Variants in LMO7 observed in about 807,000 individuals in gnomAD.
LMO7 encodes the protein LIM domain only protein 7.
In LMO7, 120 loss-of-function variants were observed where a neutral mutation model predicts 206.5. The observed-to-expected ratio is 0.58, with a 90% confidence interval of 0.50 to 0.68. The LOEUF (loss-of-function observed/expected upper bound fraction) is 0.68, where lower values mean the gene tolerates loss of function less well. LMO7 is among the 30% of genes least tolerant of loss of function. The probability of loss-of-function intolerance (pLI) is 0.00; values close to 1 mark genes in which losing one functional copy is unlikely to be tolerated. For synonymous variants in LMO7, 706 were observed against 681.5 expected (o/e 1.04, Z -0.56); for missense variants, 1,959 against 1,957.9 (o/e 1.00, Z -0.01).
At chr13:75,750,878 G>C (rs570568578) in intron 3 of LMO7, among the ~76,000 whole-genome samples, 56 of 152,294 alleles carry the variant, frequency 3.7e-4, no homozygotes, top group African/African-American at 1.3e-3. Context: ...AGGGATGGCT[G>C]TGTGACTCCC....
chr13:75,838,198 T>C lies in LMO7; in HGVS notation c.3451+2T>C. On this transcript the variant is annotated splice_donor_variant, in intron 20 of 30. Transcript: ENST00000377534. LOFTEE classifies it high-confidence loss of function. ...GGCGATCACAATTTTTTGAACAAGG[T>C]AAACCACAAAGCTAACAATTCATGC... 1.0e-5 allele frequency: 16 copies of C among 1,606,172 alleles called. No homozygotes were observed. Among genetic ancestry groups the C allele is most frequent in the Non-Finnish European group, 1.4e-5 (16 of 1,173,038 alleles).
chr13:75,782,224 G>A (rs2051597804), intron 4 of LMO7, among the ~76,000 whole-genome samples: 1 of 152,192 alleles, frequency 6.6e-6, no homozygotes, highest in Non-Finnish European at 1.5e-5. Flanking sequence ...TGAACTATGA[G>A]CTTCACTGTC....
In LMO7 at chr13:75,849,174, C is replaced by T; in HGVS notation, c.4246C>T (p.Gln1416Ter). 1 of 1,613,812 alleles carries T rather than the reference C, an allele frequency of 6.2e-7. No individual in the cohort carries two copies. The highest frequency in any genetic ancestry group is 8.5e-7 in the Non-Finnish European group (1 of 1,179,752). Reference sequence around the variant, plus strand: ...ACCATCAGGAGCAGAATTGGAGAGGCAACAAATCCTTCAGGAAATGAGGAA... The same window carrying T: ...ACCATCAGGAGCAGAATTGGAGAGGTAACAAATCCTTCAGGAAATGAGGAA... ...QVPSGAELER[Q>*]QILQEMRKRT... is the part of the protein sequence containing the mutation. The change falls in exon 27 of 31, where the codon CAA becomes TAA. Residue 1416 changes from glutamine (Q) to a stop codon, truncating the protein, a stop_gained. Transcript: ENST00000377534. LOFTEE classifies it high-confidence loss of function.
intron 26 of LMO7, among the ~76,000 whole-genome samples, chr13:75,848,110 G>A (rs563077075): frequency 1.3e-5 from 2 of 151,962 alleles, no homozygotes; most frequent in South Asian, 4.2e-4. Context: ...GTGGTATTTG[G>A]TTACATGAGT....
intron 1 of LMO7, among the ~76,000 whole-genome samples, chr13:75,699,231 T>A (rs1761429297): frequency 6.6e-6 from 1 of 152,164 alleles, no homozygotes; most frequent in Non-Finnish European, 1.5e-5. Context: ...GTACCAAACT[T>A]GACTGCTGTC....
intron 27 of LMO7, 74 bp downstream of exon 27, chr13:75,849,366 C>A: frequency 1.7e-6 from 2 of 1,176,896 alleles, no homozygotes; most frequent in Non-Finnish European, 2.5e-6. Context: ...CATCCTGGTG[C>A]TTTGGACAGA....
At chr13:75,693,142 T>C (rs2041626481) in intron 1 of LMO7, among the ~76,000 whole-genome samples, 2 of 152,222 alleles carry the variant, frequency 1.3e-5, no homozygotes, top group African/African-American at 2.4e-5. Context: ...CTGGCCTTTT[T>C]TTGGTAATAC....
intron 3 of LMO7, among the ~76,000 whole-genome samples, chr13:75,742,380 T>A (rs1028987603): frequency 1.2e-4 from 18 of 151,478 alleles, no homozygotes; most frequent in Admixed American, 2.0e-4. Flanking sequence ...GGAAAAAAAA[T>A]TTTTAATATG....
At chr13:75,767,073 TAA>T (rs1441231087) in intron 4 of LMO7, among the ~76,000 whole-genome samples, 2 of 152,098 alleles carry the variant, frequency 1.3e-5, no homozygotes, top group East Asian at 3.9e-4. Context: ...TTATGCAGTT[TAA>T]GAGGAGCGTG....
exon 1 of LMO7, chr13:75,621,569 T>G (rs538770384): frequency 2.4e-6 from 1 of 420,358 alleles, no homozygotes; most frequent in East Asian, 3.5e-5. Context: ...ACCATTCATG[T>G]TTCATTTATA....
chr13:75,816,440 A>T (rs113664172), intron 11 of LMO7, among the ~76,000 whole-genome samples: 2 of 152,332 alleles, frequency 1.3e-5, no homozygotes, highest in Non-Finnish European at 2.9e-5. Flanking sequence ...TGTAGAGAGC[A>T]CACATGTGCC....
intron 1 of LMO7, among the ~76,000 whole-genome samples, chr13:75,690,553 T>C (rs188085101): frequency 6.6e-6 from 1 of 152,320 alleles, no homozygotes; most frequent in Non-Finnish European, 1.5e-5. Flanking sequence ...ATTTGGCAAA[T>C]TTTTCCTGCA....
At chr13:75,717,318 G>A (rs537563093) in intron 2 of LMO7, among the ~76,000 whole-genome samples, 22 of 147,338 alleles carry the variant, frequency 1.5e-4, no homozygotes, top group Non-Finnish European at 3.3e-4. Flanking sequence ...AGTGGAGATG[G>A]TACCACTGCA....
intron 3 of LMO7, among the ~76,000 whole-genome samples, chr13:75,742,721 C>T (rs1403762741): frequency 5.3e-5 from 8 of 152,092 alleles, no homozygotes; most frequent in Admixed American, 5.2e-4. Flanking sequence ...CAAAAATTAA[C>T]TCAAGATGGA....
chr13:75,818,368 G>A (rs985609187), intron 12 of LMO7, among the ~76,000 whole-genome samples: 5 of 152,084 alleles, frequency 3.3e-5, no homozygotes, highest in African/African-American at 1.2e-4. Context: ...TAAATCAAAC[G>A]TACTTTGCAT....
chr13:75,762,451 G>A (rs755123604), intron 4 of LMO7, among the ~76,000 whole-genome samples: 8 of 152,146 alleles, frequency 5.3e-5, no homozygotes, highest in Non-Finnish European at 5.9e-5. Context: ...CTTGTTAAGC[G>A]TTAACGTGCT....
chr13:75,745,908 C>T (rs957077241), intron 3 of LMO7, among the ~76,000 whole-genome samples: 2 of 152,190 alleles, frequency 1.3e-5, no homozygotes, highest in Non-Finnish European at 1.5e-5. Flanking sequence ...ACCATCAGCT[C>T]ATCAGCTGAC....
At chr13:75,666,403 T>G (rs2039076324) in intron 1 of LMO7, among the ~76,000 whole-genome samples, 1 of 152,252 alleles carries the variant, frequency 6.6e-6, no homozygotes, top group Non-Finnish European at 1.5e-5. Flanking sequence ...GTCCTAATTC[T>G]TTGTTTCAGG....
At chr13:75,748,923 C>T (rs1267726295) in intron 3 of LMO7, among the ~76,000 whole-genome samples, 2 of 151,872 alleles carry the variant, frequency 1.3e-5, no homozygotes, top group African/African-American at 2.4e-5. Context: ...GTGATCCTCC[C>T]ATCTCAGCCT....
Sources: allele counts gnomAD v4.1 joint callset (sites outside exome capture counted in the v4.1 genomes callset), GRCh38; gene constraint gnomAD v4.1.1; transcripts MANE v1.5; gene names NCBI Gene and HGNC (gene_info 2026-07-23, HGNC 2026-07-21).